ZNF385D: variants seen among roughly 807,000 people sequenced by gnomAD.
ZNF385D encodes zinc finger protein 659.
A neutral mutation model predicts 35.8 loss-of-function variants in ZNF385D; 15 were observed. The ratio of observed to expected loss-of-function variants is 0.42; its 90% CI spans 0.28 to 0.64. The LOEUF is 0.64. Among genes scored for constraint, ZNF385D ranks in the 30% least tolerant of loss-of-function variants. The probability of loss-of-function intolerance (pLI) is 0.23; values close to 1 mark genes in which losing one functional copy is unlikely to be tolerated. For missense variants in ZNF385D, 474 were observed against 494.6 expected (o/e 0.96, Z 0.39); for synonymous variants, 212 against 186.8 (o/e 1.13, Z -1.10).
At position 21,523,056 on chromosome 3, in the gene ZNF385D, T is replaced by TA. The variant is rs56740521; in HGVS notation, c.277-12034_277-12033insT. Reference sequence around the variant, plus strand: ...GAGATGCTGCTATTCTGTCACACAGTGGTTGTTTGTGTGAGGCATTTATGG... The same window carrying TA: ...GAGATGCTGCTATTCTGTCACACAGTAGGTTGTTTGTGTGAGGCATTTATGG... On this transcript the variant is annotated intron_variant, in intron 3 of 7. Transcript: ENST00000281523. Among the ~76,000 whole-genome samples, 593 of 152,282 alleles carry TA rather than the reference T, an allele frequency of 3.9e-3. 4 individuals carry two copies. Among genetic ancestry groups the TA allele is most frequent in the African/African-American group, 0.014 (573 of 41,556 alleles).
intron 3 of ZNF385D, among the ~76,000 whole-genome samples, chr3:21,934,235 G>T: frequency 6.6e-6 from 1 of 152,090 alleles, no homozygotes; most frequent in East Asian, 1.9e-4. Flanking sequence ...AACTATTGTT[G>T]AAGTATATTT....
chr3:22,073,628 T>A (rs1160593522), intron 3 of ZNF385D, among the ~76,000 whole-genome samples: 1 of 151,958 alleles, frequency 6.6e-6, no homozygotes, highest in African/African-American at 2.4e-5. Flanking sequence ...TTAGGCTTTT[T>A]ATTTTTATTT....
chr3:21,820,540 G>T (rs1274392762), intron 3 of ZNF385D, among the ~76,000 whole-genome samples: 1 of 151,378 alleles, frequency 6.6e-6, no homozygotes, highest in Non-Finnish European at 1.5e-5. Flanking sequence ...AATTATATTA[G>T]ATCAATAAAT....
chr3:21,589,732 A>C (rs2063914249), intron 2 of ZNF385D, among the ~76,000 whole-genome samples: 1 of 152,186 alleles, frequency 6.6e-6, no homozygotes, highest in African/African-American at 2.4e-5. Flanking sequence ...ACCAATAAAC[A>C]TAAAATTCTT....
rs548829957 is a variant in ZNF385D, at chr3:22,262,320, T to C, written c.107-93285A>G. 3.9e-3 allele frequency among the ~76,000 whole-genome samples: 598 copies of C among 151,990 alleles called. 9 individuals carry two copies. Among genetic ancestry groups the C allele is most frequent in the Non-Finnish European group, 4.2e-3 (284 of 67,932 alleles). On this transcript the variant is annotated intron_variant, in intron 2 of 5. Coordinates refer to the ZNF385D transcript ENST00000494108. Reference sequence around the variant, plus strand: ...TTAGGAAAATGTTCCAAGTGACACATGGAGTTAACACACATGGAAGAATGG... The same window carrying C: ...TTAGGAAAATGTTCCAAGTGACACACGGAGTTAACACACATGGAAGAATGG...
chr3:21,499,181 T>C (rs1706170219), intron 4 of ZNF385D, among the ~76,000 whole-genome samples: 1 of 152,124 alleles, frequency 6.6e-6, no homozygotes, highest in South Asian at 2.1e-4. Context: ...ATGCATCCAT[T>C]ATGTTACTTG....
intron 3 of ZNF385D, among the ~76,000 whole-genome samples, chr3:21,758,592 G>C (rs1165587128): frequency 6.6e-6 from 1 of 152,036 alleles, no homozygotes; most frequent in Non-Finnish European, 1.5e-5. Context: ...AAGTGATTCA[G>C]GGGAAATTAA....
At chr3:22,018,761 T>A (rs1022080182) in intron 3 of ZNF385D, among the ~76,000 whole-genome samples, 1 of 152,000 alleles carries the variant, frequency 6.6e-6, no homozygotes, top group Non-Finnish European at 1.5e-5. Context: ...AAGATTCCTA[T>A]GTACATTGGG....
intron 2 of ZNF385D, among the ~76,000 whole-genome samples, chr3:22,196,573 TTTC>T (rs1696430139): frequency 6.6e-6 from 1 of 152,064 alleles, no homozygotes; most frequent in Non-Finnish European, 1.5e-5. Context: ...TATTATTTTA[TTTC>T]TTATCCCAGA....
intron 3 of ZNF385D, among the ~76,000 whole-genome samples, chr3:22,088,036 G>C (rs1243257330): frequency 6.6e-6 from 1 of 152,146 alleles, no homozygotes; most frequent in South Asian, 2.1e-4. Flanking sequence ...CTCAAAATCG[G>C]ATTCAGCAGC....
intron 3 of ZNF385D, among the ~76,000 whole-genome samples, chr3:21,560,846 A>G (rs1484395049): frequency 1.3e-5 from 2 of 152,188 alleles, no homozygotes; most frequent in Middle Eastern, 3.4e-3. Flanking sequence ...TGCCCTGCCC[A>G]GGGAGGAGGA....
intron 3 of ZNF385D, among the ~76,000 whole-genome samples, chr3:21,884,854 T>C (rs1313125310): frequency 6.6e-6 from 1 of 152,102 alleles, no homozygotes; most frequent in Non-Finnish European, 1.5e-5. Flanking sequence ...TATTTGCTTG[T>C]TGATTTATAC....
intron 3 of ZNF385D, among the ~76,000 whole-genome samples, chr3:21,957,526 G>C (rs1041881166): frequency 1.3e-5 from 2 of 152,130 alleles, no homozygotes; most frequent in African/African-American, 4.8e-5. Context: ...TTGAGAACTG[G>C]AGCAAAGGTG....
At chr3:22,178,556 T>C (rs1329048764) in intron 2 of ZNF385D, among the ~76,000 whole-genome samples, 1 of 152,202 alleles carries the variant, frequency 6.6e-6, no homozygotes, top group Non-Finnish European at 1.5e-5. Context: ...GATGGTAGTT[T>C]CTTTTGCTGT....
At chr3:21,893,539 A>G (rs1385075537) in intron 3 of ZNF385D, among the ~76,000 whole-genome samples, 1 of 152,148 alleles carries the variant, frequency 6.6e-6, no homozygotes, top group African/African-American at 2.4e-5. Flanking sequence ...TGAAATATAA[A>G]CCTCTAAGCA....
intron 5 of ZNF385D, among the ~76,000 whole-genome samples, chr3:21,430,676 A>C (rs116488396): frequency 0.024 from 3,593 of 152,170 alleles, 124 homozygotes; most frequent in Admixed American, 0.09. Context: ...CTAAGGCTCT[A>C]CCCCGCTTCT....
chr3:21,655,707 C>G (rs572927526), intron 2 of ZNF385D, among the ~76,000 whole-genome samples: 1 of 152,104 alleles, frequency 6.6e-6, no homozygotes, highest in South Asian at 2.1e-4. Flanking sequence ...TAAAAAATTA[C>G]AACCATTTGC....
chr3:22,066,461 C>CATGT (rs1553602038), intron 3 of ZNF385D, among the ~76,000 whole-genome samples: 5 of 98,112 alleles, frequency 5.1e-5, no homozygotes, highest in African/African-American at 2.1e-4. Flanking sequence ...GATGGTTCCC[C>CATGT]GTGTGTGTGT....
intron 3 of ZNF385D, among the ~76,000 whole-genome samples, chr3:22,123,099 CT>C (rs1703188180): frequency 6.6e-6 from 1 of 151,970 alleles, no homozygotes; most frequent in African/African-American, 2.4e-5. Flanking sequence ...TAGAAACACT[CT>C]GGATGATGAG....
Sources: gnomAD v4.1 joint callset for allele counts (sites outside exome capture counted in the v4.1 genomes callset) on GRCh38, gnomAD v4.1.1 for gene constraint, MANE v1.5 for transcripts, NCBI Gene and HGNC (gene_info 2026-07-23, HGNC 2026-07-21) for gene names.